GRIN2B: variants seen among roughly 807,000 people sequenced by gnomAD.
GRIN2B encodes the protein glutamate ionotropic receptor NMDA type subunit 2B, also known as glutamate receptor ionotropic, NMDA 2B.
Under a neutral mutation model 114.5 loss-of-function variants are expected in GRIN2B, and 5 were observed. That is an observed-to-expected ratio of 0.04 (90% confidence interval 0.02 to 0.09). The LOEUF (loss-of-function observed/expected upper bound fraction) is 0.09, where lower values mean the gene tolerates loss of function less well. GRIN2B is among the 10% of genes least tolerant of loss of function. GRIN2B has a pLI of 1.00. For missense variants in GRIN2B, 1,108 were observed against 1,943.5 expected, an observed-to-expected ratio of 0.57 and a Z score of 8.08; for synonymous variants, 787 against 745.1, an observed-to-expected ratio of 1.06 and a Z score of -0.92.
At chr12:13,878,756 C>T (rs1464340108) in intron 2 of GRIN2B, among the ~76,000 whole-genome samples, 1 of 152,202 alleles carries the variant, frequency 6.6e-6, no homozygotes, top group Non-Finnish European at 1.5e-5. Flanking sequence ...TCTCCAGGTG[C>T]CTGGTCCTCA....
rs1426494671 is a variant in GRIN2B at position 13,538,590 on chromosome 12, A to T, written c.*24193T>A. Reference sequence around the variant, plus strand: ...AGCATCATAGGAAGCCGAGGCAGGCAGATCACTTGAACCCAGGAGTTCAGA... The same window carrying T: ...AGCATCATAGGAAGCCGAGGCAGGCTGATCACTTGAACCCAGGAGTTCAGA... On this transcript the variant is annotated 3_prime_UTR_variant, in exon 14 of 14. Coordinates refer to ENST00000609686, the MANE Select transcript of GRIN2B (RefSeq NM_000834.5). The T allele has an allele frequency of 6.6e-6, 1 of 152,138 alleles. No homozygotes were observed. The highest frequency in any genetic ancestry group is 1.5e-5 in the Non-Finnish European group (1 of 68,038). The allele number at this position is 152,138 out of a possible 1,614,324, so 9.4% of individuals were successfully genotyped here.
intron 4 of GRIN2B, among the ~76,000 whole-genome samples, chr12:13,733,359 G>A (rs923953434): frequency 4.0e-5 from 6 of 150,682 alleles, no homozygotes; most frequent in Admixed American, 2.7e-4. Flanking sequence ...TTCCCCAAAA[G>A]TAAAAGCTCT....
intron 2 of GRIN2B, among the ~76,000 whole-genome samples, chr12:13,974,404 C>T (rs1371808972): frequency 1.3e-5 from 2 of 152,308 alleles, no homozygotes; most frequent in African/African-American, 4.8e-5. Flanking sequence ...ACGACCCTGG[C>T]TTTATTCTCT....
chr12:13,904,719 G>C (rs1255179928), intron 2 of GRIN2B, among the ~76,000 whole-genome samples: 1 of 151,894 alleles, frequency 6.6e-6, no homozygotes, highest in African/African-American at 2.4e-5. Flanking sequence ...ATTTTCACTG[G>C]TGTAAAATTC....
At chr12:13,727,019 C>T (rs1269873889) in intron 4 of GRIN2B, among the ~76,000 whole-genome samples, 2 of 152,058 alleles carry the variant, frequency 1.3e-5, no homozygotes, top group Admixed American at 6.6e-5. Context: ...GAAACTGAGG[C>T]TCAACAAGAT....
chr12:13,594,220 C>T (rs1361989335), intron 10 of GRIN2B, among the ~76,000 whole-genome samples: 2 of 152,178 alleles, frequency 1.3e-5, no homozygotes, highest in African/African-American at 4.8e-5. Flanking sequence ...AAGACACATG[C>T]ACACCTATGT....
chr12:13,853,126 A>T (rs1004569385), intron 3 of GRIN2B, among the ~76,000 whole-genome samples: 1 of 152,076 alleles, frequency 6.6e-6, no homozygotes, highest in African/African-American at 2.4e-5. Context: ...TTCCCTGACA[A>T]CCCTAACTAA....
At chr12:13,605,556 C>CTCTG (rs1391827852) in intron 10 of GRIN2B, among the ~76,000 whole-genome samples, 12 of 148,954 alleles carry the variant, frequency 8.1e-5, no homozygotes, top group South Asian at 4.3e-4. Flanking sequence ...CTCTCTGACA[C>CTCTG]ACACACACAC....
At chr12:13,603,569 G>GA (rs1405713965) in intron 10 of GRIN2B, among the ~76,000 whole-genome samples, 1 of 151,794 alleles carries the variant, frequency 6.6e-6, no homozygotes, top group Non-Finnish European at 1.5e-5. Context: ...TGTAAGAGCT[G>GA]AAAAAAATCT....
intron 3 of GRIN2B, among the ~76,000 whole-genome samples, chr12:13,806,575 T>C (rs1220021129): frequency 6.6e-6 from 1 of 152,124 alleles, no homozygotes; most frequent in Non-Finnish European, 1.5e-5. Context: ...AGGTTATTAG[T>C]TTTCTTGCTA....
intron 2 of GRIN2B, among the ~76,000 whole-genome samples, chr12:13,884,257 CA>C (rs35625430): frequency 0.27 from 40,429 of 148,732 alleles, 6,906 homozygotes; most frequent in East Asian, 0.63. Context: ...TTAATTCCTA[CA>C]AAAAAAAAAT....
At chr12:13,565,929 C>T (rs1248913728) in intron 13 of GRIN2B, among the ~76,000 whole-genome samples, 1 of 152,014 alleles carries the variant, frequency 6.6e-6, no homozygotes, top group African/African-American at 2.4e-5. Flanking sequence ...GCCTTTTTTC[C>T]TCTATAGAGG....
At chr12:13,963,194 C>T (rs1310340385) in intron 2 of GRIN2B, among the ~76,000 whole-genome samples, 2 of 152,148 alleles carry the variant, frequency 1.3e-5, no homozygotes, top group African/African-American at 4.8e-5. Context: ...TCTCTAATAA[C>T]CCGAGGCTCC....
chr12:13,931,555 A>G (rs540898435), intron 2 of GRIN2B, among the ~76,000 whole-genome samples: 2 of 152,278 alleles, frequency 1.3e-5, no homozygotes, highest in African/African-American at 4.8e-5. Context: ...ATCCATATCC[A>G]TGGCGTTAAA....
At chr12:13,722,766 T>C (rs918864479) in intron 4 of GRIN2B, among the ~76,000 whole-genome samples, 2 of 152,094 alleles carry the variant, frequency 1.3e-5, no homozygotes, top group African/African-American at 2.4e-5. Context: ...GGCTTCATCA[T>C]CATGGTTGTG....
chr12:13,903,039 A>T (rs561234210), intron 2 of GRIN2B, among the ~76,000 whole-genome samples: 1 of 152,112 alleles, frequency 6.6e-6, no homozygotes, highest in Non-Finnish European at 1.5e-5. Context: ...ATCAACATAA[A>T]ATTTTATAAT....
chr12:13,728,864 T>A (rs180797269), intron 4 of GRIN2B, among the ~76,000 whole-genome samples: 12 of 152,310 alleles, frequency 7.9e-5, no homozygotes, highest in African/African-American at 2.9e-4. Flanking sequence ...TGATAATCAC[T>A]TTCTTACTCA....
chr12:13,670,748 G>A (rs1025520133), intron 5 of GRIN2B, among the ~76,000 whole-genome samples: 2 of 151,948 alleles, frequency 1.3e-5, no homozygotes, highest in African/African-American at 4.8e-5. Flanking sequence ...TGCTATGTCT[G>A]CATGCATATG....
rs377105285 is a variant in GRIN2B, at chr12:13,562,988, G to C, written c.4250C>G (p.Ala1417Gly). 4 of 1,613,494 alleles carry C rather than the reference G, an allele frequency of 2.5e-6. No homozygotes were observed. Among genetic ancestry groups the C allele is most frequent in the East Asian group, 2.2e-5 (1 of 44,874 alleles). Residue 1417 changes from alanine to glycine, a missense_variant, in exon 14 of 14, where the codon GCC becomes GGC. Physicochemically the swap from Ala to Gly is moderately conservative, Grantham distance 60. This residue lies in a region of GRIN2B where 478 missense variants were observed against 506.0 expected (regional missense o/e 0.94). Coordinates refer to ENST00000609686, the MANE Select transcript of GRIN2B (RefSeq NM_000834.5). ...GACAAGGGCCCGGAAGTCCGGCCTG[G>C]CTTTCGACGCCCCCGCCACCGTGGG... is the stretch of plus-strand genomic sequence containing the variant. ...RQPTVAGASK[A>G]RPDFRALVTN... is the part of the protein sequence containing the mutation.
Sources: allele counts gnomAD v4.1 joint callset (sites outside exome capture counted in the v4.1 genomes callset), GRCh38; gene constraint gnomAD v4.1.1; regional missense constraint gnomAD v4.1.1; transcripts MANE v1.5; gene names NCBI Gene and HGNC (gene_info 2026-07-23, HGNC 2026-07-21).